Variants in RBFOX1 observed in about 807,000 individuals in gnomAD.
RBFOX1 encodes RNA binding fox-1 homolog 1, also known as RNA binding protein fox-1 homolog 1.
Under a neutral mutation model 57.7 loss-of-function variants are expected in RBFOX1, and 8 were observed. The ratio of observed to expected loss-of-function variants is 0.14; its 90% CI spans 0.08 to 0.25. The LOEUF (loss-of-function observed/expected upper bound fraction) is 0.25. Ranked by LOEUF, RBFOX1 falls within the 10% of genes least tolerant of loss-of-function variation. The probability of loss-of-function intolerance (pLI) is 1.00; values close to 1 mark genes in which losing one functional copy is unlikely to be tolerated. For synonymous variants in RBFOX1, 326 were observed against 222.4 expected (o/e 1.47, Z -4.15); for missense variants, 611 against 548.5 (o/e 1.11, Z -1.14).
At chr16:6,708,020 G>T (rs1202662934) in intron 3 of RBFOX1, among the ~76,000 whole-genome samples, 1 of 152,106 alleles carries the variant, frequency 6.6e-6, no homozygotes, top group Non-Finnish European at 1.5e-5. Flanking sequence ...CAAAACCTTA[G>T]TTTCAGAAGA....
intron 3 of RBFOX1, among the ~76,000 whole-genome samples, chr16:6,776,212 C>G (rs964666960): frequency 6.6e-6 from 1 of 151,896 alleles, no homozygotes; most frequent in African/African-American, 2.4e-5. Flanking sequence ...GAGATCGAGA[C>G]CATCCTGGCT....
At chr16:7,248,220 G>T (rs964025877) in intron 4 of RBFOX1, among the ~76,000 whole-genome samples, 4 of 152,148 alleles carry the variant, frequency 2.6e-5, no homozygotes, top group African/African-American at 9.7e-5. Context: ...GTGATGTTTA[G>T]AAAAGGGTCT....
chr16:7,443,902 C>G (rs759691797), intron 4 of RBFOX1, among the ~76,000 whole-genome samples: 1 of 152,194 alleles, frequency 6.6e-6, no homozygotes, highest in Non-Finnish European at 1.5e-5. Flanking sequence ...CAATAGGGCA[C>G]TACTGATTCT....
intron 3 of RBFOX1, among the ~76,000 whole-genome samples, chr16:6,999,847 G>A (rs766313746): frequency 3.9e-5 from 6 of 152,020 alleles, no homozygotes; most frequent in Non-Finnish European, 5.9e-5. Flanking sequence ...TGAGGTGAGC[G>A]GATCACTTGA....
intron 3 of RBFOX1, among the ~76,000 whole-genome samples, chr16:6,943,729 T>C (rs1231260172): frequency 6.9e-6 from 1 of 144,358 alleles, no homozygotes; most frequent in African/African-American, 2.7e-5. Context: ...AAAAAAAAAG[T>C]ATTCGCCTGT....
intron 4 of RBFOX1, among the ~76,000 whole-genome samples, chr16:7,099,710 A>T (rs2151321108): frequency 6.6e-6 from 1 of 152,254 alleles, no homozygotes; most frequent in South Asian, 2.1e-4. Flanking sequence ...TCTACCTGGA[A>T]GGGAGGGACA....
intron 11 of RBFOX1, among the ~76,000 whole-genome samples, chr16:7,635,328 A>G (rs1250190567): frequency 6.6e-6 from 1 of 152,234 alleles, no homozygotes; most frequent in Admixed American, 6.5e-5. Flanking sequence ...TTCCAGAAGC[A>G]CGTAAATGTT....
intron 3 of RBFOX1, among the ~76,000 whole-genome samples, chr16:5,815,008 A>C (rs1194360477): frequency 3.3e-5 from 5 of 150,788 alleles, no homozygotes; most frequent in Admixed American, 1.3e-4. Context: ...TTTTTAAATG[A>C]GGTCTCACTC....
intron 4 of RBFOX1, among the ~76,000 whole-genome samples, chr16:7,061,774 C>G (rs530377117): frequency 6.6e-6 from 1 of 152,146 alleles, no homozygotes; most frequent in Non-Finnish European, 1.5e-5. Context: ...CATAGCTACT[C>G]TTCATTTCTA....
chr16:7,694,598 A>G (rs2191133), intron 14 of RBFOX1, among the ~76,000 whole-genome samples: 47,102 of 152,086 alleles, frequency 0.31, 7,514 homozygotes, highest in East Asian at 0.51. Context: ...TGGTCCTGCA[A>G]TTTCCCTCTT....
intron 1 of RBFOX1, among the ~76,000 whole-genome samples, chr16:6,091,171 G>T (rs1224205534): frequency 2.0e-5 from 3 of 152,050 alleles, no homozygotes; most frequent in Non-Finnish European, 4.4e-5. Flanking sequence ...CTAACTGTAG[G>T]TTTGCACCCA....
At chr16:5,801,986 C>T (rs1015326694) in intron 3 of RBFOX1, among the ~76,000 whole-genome samples, 1 of 152,124 alleles carries the variant, frequency 6.6e-6, no homozygotes, top group East Asian at 1.9e-4. Flanking sequence ...ATCACTCTGC[C>T]TGGGTCTGCT....
intron 3 of RBFOX1, among the ~76,000 whole-genome samples, chr16:5,692,786 G>T (rs995745939): frequency 6.6e-6 from 1 of 152,012 alleles, no homozygotes; most frequent in African/African-American, 2.4e-5. Context: ...ACAAGAAAAC[G>T]CACAGAGTCC....
At chr16:6,858,798 G>A (rs1355054880) in intron 3 of RBFOX1, among the ~76,000 whole-genome samples, 1 of 152,020 alleles carries the variant, frequency 6.6e-6, no homozygotes, top group East Asian at 1.9e-4. Context: ...AGAAATTAGA[G>A]CAGTGGCATT....
At chr16:6,975,907 C>A (rs184569497) in intron 3 of RBFOX1, among the ~76,000 whole-genome samples, 1 of 152,106 alleles carries the variant, frequency 6.6e-6, no homozygotes, top group Non-Finnish European at 1.5e-5. Context: ...TAGGTGGTCA[C>A]TTGAGGTCAG....
intron 3 of RBFOX1, among the ~76,000 whole-genome samples, chr16:6,997,389 T>C (rs1596450524): frequency 6.6e-6 from 1 of 152,218 alleles, no homozygotes; most frequent in African/African-American, 2.4e-5. Context: ...ATGTTGAAAA[T>C]ATGTTGAATT....
At chr16:7,493,508 TTATTC>T (rs1255510235) in intron 4 of RBFOX1, among the ~76,000 whole-genome samples, 6 of 152,204 alleles carry the variant, frequency 3.9e-5, no homozygotes, top group African/African-American at 1.4e-4. Context: ...ATTGGAGAGA[TTATTC>T]TATAGTATCC....
At chr16:6,969,312 G>C (rs2084989773) in intron 3 of RBFOX1, among the ~76,000 whole-genome samples, 1 of 152,172 alleles carries the variant, frequency 6.6e-6, no homozygotes, top group African/African-American at 2.4e-5. Flanking sequence ...ATTTAGTGCG[G>C]GGTCAGGATT....
chr16:6,037,551 G>T (rs561562778), intron 1 of RBFOX1: 1 of 149,678 alleles, frequency 6.7e-6, no homozygotes, highest in East Asian at 2.0e-4. Flanking sequence ...ACAGTCCGTT[G>T]AATGCATTTT....
Sources: allele counts gnomAD v4.1 joint callset (sites outside exome capture counted in the v4.1 genomes callset), GRCh38; gene constraint gnomAD v4.1.1; transcripts MANE v1.5; gene names NCBI Gene and HGNC (gene_info 2026-07-23, HGNC 2026-07-21).